PCSK5: variants seen among roughly 807,000 people sequenced by gnomAD.
PCSK5 encodes prohormone convertase 5.
In PCSK5, 129 loss-of-function variants were observed where a neutral mutation model predicts 233.2. The observed-to-expected ratio is 0.55, with a 90% CI of 0.48 to 0.64. The LOEUF is 0.64. Among genes scored for constraint, PCSK5 ranks in the 30% least tolerant of loss-of-function variants. The pLI is 0.00. For synonymous variants in PCSK5, 825 were observed against 879.2 expected, an observed-to-expected ratio of 0.94 and a Z score of 1.09; for missense variants, 2,076 against 2,430.1, an observed-to-expected ratio of 0.85 and a Z score of 3.06.
At chr9:76,232,667 A>G (rs959117252) in intron 21 of PCSK5, among the ~76,000 whole-genome samples, 4 of 152,246 alleles carry the variant, frequency 2.6e-5, no homozygotes, top group Non-Finnish European at 5.9e-5. Flanking sequence ...TTTTCTGAAC[A>G]GAATACTTGG....
At chr9:75,945,889 G>A (rs1824544978) in intron 2 of PCSK5, among the ~76,000 whole-genome samples, 1 of 152,118 alleles carries the variant, frequency 6.6e-6, no homozygotes, top group African/African-American at 2.4e-5. Flanking sequence ...TCCTTGCTAA[G>A]GTAGATCTTT....
At chr9:76,093,080 C>CTTTTTTTTT (rs71372045) in intron 7 of PCSK5, among the ~76,000 whole-genome samples, 1 of 85,678 alleles carries the variant, frequency 1.2e-5, no homozygotes, top group Non-Finnish European at 2.2e-5. Context: ...TTGTCTTTCC[C>CTTTTTTTTT]TTTTTTTTTT....
intron 7 of PCSK5, among the ~76,000 whole-genome samples, chr9:76,091,738 C>T (rs1272385184): frequency 6.6e-6 from 1 of 152,138 alleles, no homozygotes; most frequent in African/African-American, 2.4e-5. Flanking sequence ...CACAGGCTAG[C>T]ATATCCCCTG....
chr9:76,236,053 G>T (rs1015593336), intron 22 of PCSK5, among the ~76,000 whole-genome samples: 1 of 152,142 alleles, frequency 6.6e-6, no homozygotes, highest in Non-Finnish European at 1.5e-5. Context: ...GATGCCTCTT[G>T]GAAGTGTACA....
intron 1 of PCSK5, among the ~76,000 whole-genome samples, chr9:75,908,748 C>T (rs912270209): frequency 1.3e-5 from 2 of 152,138 alleles, no homozygotes; most frequent in East Asian, 3.9e-4. Flanking sequence ...AAACCTCCTT[C>T]GTTTAAACTC....
At chr9:75,980,411 T>C (rs1251494608) in intron 2 of PCSK5, among the ~76,000 whole-genome samples, 1 of 152,180 alleles carries the variant, frequency 6.6e-6, no homozygotes, top group African/African-American at 2.4e-5. Flanking sequence ...CTGAATGACC[T>C]TTCAAAAATT....
At chr9:75,981,831 G>A (rs1385617258) in intron 2 of PCSK5, among the ~76,000 whole-genome samples, 1 of 152,178 alleles carries the variant, frequency 6.6e-6, no homozygotes, top group Non-Finnish European at 1.5e-5. Context: ...CCAAAGTGCT[G>A]AGATTATAGG....
intron 28 of PCSK5, 99 bp downstream of exon 28, chr9:76,302,316 G>A: frequency 2.1e-6 from 1 of 475,604 alleles, no homozygotes; most frequent in African/African-American, 2.1e-5. Flanking sequence ...GAGGCCAGAA[G>A]CAAATGGGGT....
intron 9 of PCSK5, among the ~76,000 whole-genome samples, chr9:76,130,170 G>C (rs555475329): frequency 2.0e-5 from 3 of 152,092 alleles, no homozygotes; most frequent in Non-Finnish European, 4.4e-5. Flanking sequence ...TGGGTAAAAG[G>C]CCTTTGGAAC....
intron 27 of PCSK5, among the ~76,000 whole-genome samples, chr9:76,298,433 G>A (rs1185851732): frequency 1.3e-5 from 2 of 152,206 alleles, no homozygotes; most frequent in Non-Finnish European, 2.9e-5. Context: ...GTCAACGACA[G>A]AGCTGTACTT....
intron 17 of PCSK5, among the ~76,000 whole-genome samples, chr9:76,185,547 AT>A (rs1480881005): frequency 3.3e-5 from 5 of 152,180 alleles, no homozygotes; most frequent in African/African-American, 1.2e-4. Context: ...ATTAACCAGT[AT>A]TGGAGCATCA....
At chr9:75,908,933 CTCTCTCTGTCTA>C (rs1243913670) in intron 1 of PCSK5, among the ~76,000 whole-genome samples, 997 of 94,578 alleles carry the variant, frequency 0.011, 9 homozygotes, top group Non-Finnish European at 0.018. Context: ...CTCTCTATCT[CTCTCTCTGTCTA>C]TCTATCTATC....
At chr9:76,170,718 C>T (rs574933052) in intron 13 of PCSK5, among the ~76,000 whole-genome samples, 44 of 152,338 alleles carry the variant, frequency 2.9e-4, no homozygotes, top group African/African-American at 9.9e-4. Context: ...CTAGCCCTCT[C>T]CAGATTACAG....
intron 1 of PCSK5, among the ~76,000 whole-genome samples, chr9:75,893,569 A>T (rs761984556): frequency 6.6e-6 from 1 of 152,224 alleles, no homozygotes; most frequent in Non-Finnish European, 1.5e-5. Flanking sequence ...GAACTGGTAT[A>T]TGACAGAATC....
intron 12 of PCSK5, among the ~76,000 whole-genome samples, chr9:76,161,768 G>C (rs559376740): frequency 6.6e-6 from 1 of 152,192 alleles, no homozygotes; most frequent in South Asian, 2.1e-4. Context: ...CTTCAGGCTC[G>C]CATGCATTCT....
chr9:76,129,413 T>C (rs73650457), intron 9 of PCSK5, among the ~76,000 whole-genome samples: 1,767 of 152,298 alleles, frequency 0.012, 32 homozygotes, highest in African/African-American at 0.039. Context: ...ACTCTTTTAT[T>C]TTAGGAAACA....
chr9:75,946,750 G>C (rs1167890628), intron 2 of PCSK5, among the ~76,000 whole-genome samples: 2 of 152,080 alleles, frequency 1.3e-5, no homozygotes, highest in African/African-American at 2.4e-5. Context: ...CACCATGCCA[G>C]CTAATTTTTT....
At chr9:76,275,626 T>A (rs1827666216) in intron 24 of PCSK5, among the ~76,000 whole-genome samples, 1 of 152,158 alleles carries the variant, frequency 6.6e-6, no homozygotes, top group African/African-American at 2.4e-5. Flanking sequence ...GGTTTCACCA[T>A]GTTGGCCAGG....
intron 20 of PCSK5, among the ~76,000 whole-genome samples, chr9:76,202,633 C>A: frequency 6.6e-6 from 1 of 152,110 alleles, no homozygotes; most frequent in East Asian, 1.9e-4. Flanking sequence ...AACACCCCCA[C>A]ACATCACTCC....
Sources: gnomAD v4.1 joint callset for allele counts (sites outside exome capture counted in the v4.1 genomes callset) on GRCh38, gnomAD v4.1.1 for gene constraint, MANE v1.5 for transcripts, NCBI Gene and HGNC (gene_info 2026-07-23, HGNC 2026-07-21) for gene names.